The following TAFA1 variants were observed in gnomAD, a reference collection of about 807,000 sequenced individuals.
TAFA1 encodes chemokine-like protein TAFA-1.
Under a neutral mutation model 18.5 loss-of-function variants are expected in TAFA1, and 4 were observed. That is an observed-to-expected ratio of 0.22 (90% CI 0.11 to 0.49). The LOEUF is 0.49. TAFA1 is among the 20% of genes least tolerant of loss of function. TAFA1 has a pLI of 0.98. For synonymous variants in TAFA1, 56 were observed against 55.2 expected, an observed-to-expected ratio of 1.01 and a Z score of -0.06; for missense variants, 147 against 169.0, an observed-to-expected ratio of 0.87 and a Z score of 0.72.
intron 2 of TAFA1, among the ~76,000 whole-genome samples, chr3:68,260,661 A>C (rs1015574786): frequency 1.3e-5 from 2 of 152,124 alleles, no homozygotes; most frequent in Admixed American, 6.6e-5. Flanking sequence ...CAAAAACAAG[A>C]AATAGGGAAA....
intron 2 of TAFA1, among the ~76,000 whole-genome samples, chr3:68,299,679 C>A (rs1171905688): frequency 6.6e-6 from 1 of 152,186 alleles, no homozygotes; most frequent in South Asian, 2.1e-4. Context: ...CCATTACAGG[C>A]CTGGAGGCCT....
intron 3 of TAFA1, among the ~76,000 whole-genome samples, chr3:68,475,774 C>G (rs1473555577): frequency 1.0e-5 from 1 of 97,482 alleles, no homozygotes; most frequent in Non-Finnish European, 2.4e-5. Context: ...ACAGTCCCAC[C>G]AACAGTGTAA....
chr3:68,499,446 C>CTT (rs752597708), intron 3 of TAFA1, among the ~76,000 whole-genome samples: 4,296 of 112,080 alleles, frequency 0.038, 139 homozygotes, highest in African/African-American at 0.055. Context: ...GTGTTCCTTT[C>CTT]TTTTTTTTTT....
chr3:68,144,510 T>C (rs963612370), intron 2 of TAFA1, among the ~76,000 whole-genome samples: 8 of 152,232 alleles, frequency 5.3e-5, no homozygotes, highest in Admixed American at 2.0e-4. Context: ...CAAAACAAGA[T>C]GGTAGCTATT....
chr3:68,077,807 C>A (rs1027719150), intron 2 of TAFA1, among the ~76,000 whole-genome samples: 27 of 151,856 alleles, frequency 1.8e-4, no homozygotes, highest in Admixed American at 1.0e-3. Context: ...TTTTTGGTTC[C>A]ATATGAACTT....
chr3:68,531,616 T>A (rs1405442943), intron 3 of TAFA1, among the ~76,000 whole-genome samples: 2 of 152,144 alleles, frequency 1.3e-5, no homozygotes, highest in African/African-American at 4.8e-5. Flanking sequence ...TTAAACTCCA[T>A]CATTTTGCTT....
chr3:68,421,143 C>T (rs980628787), intron 3 of TAFA1, among the ~76,000 whole-genome samples: 3 of 152,030 alleles, frequency 2.0e-5, no homozygotes, highest in Non-Finnish European at 4.4e-5. Flanking sequence ...GGTATCTAGC[C>T]CTAAGATTTG....
At chr3:68,147,972 T>C in intron 2 of TAFA1, among the ~76,000 whole-genome samples, 1 of 152,180 alleles carries the variant, frequency 6.6e-6, no homozygotes, top group East Asian at 1.9e-4. Flanking sequence ...AATAAATCAA[T>C]TATTTGGTGC....
Position 68,329,454 on chromosome 3 carries a change from CTATT to C in TAFA1, c.119-87825_119-87822del, listed in dbSNP as rs546779732. On this transcript the variant is annotated intron_variant, in intron 2 of 4. Transcript: ENST00000478136. ...TCAAGGATAATCTGTGCCAGCATAT[CTATT>C]CAGTTCCAGTTCTGTCATGGGATAA... Among the ~76,000 whole-genome samples, 442 of 152,158 alleles carry C rather than the reference CTATT, an allele frequency of 2.9e-3. 3 individuals carry two copies. Among genetic ancestry groups the C allele is most frequent in the African/African-American group, 0.01 (418 of 41,494 alleles).
chr3:68,288,707 A>G (rs1445326383), intron 2 of TAFA1, among the ~76,000 whole-genome samples: 1 of 152,232 alleles, frequency 6.6e-6, no homozygotes, highest in Non-Finnish European at 1.5e-5. Flanking sequence ...CTTATGCAAA[A>G]CATAACAGTG....
chr3:68,369,505 T>C (rs2069637563), intron 2 of TAFA1, among the ~76,000 whole-genome samples: 1 of 152,184 alleles, frequency 6.6e-6, no homozygotes, highest in Non-Finnish European at 1.5e-5. Flanking sequence ...ATTTATGAGG[T>C]CCACATCTTA....
intron 2 of TAFA1, among the ~76,000 whole-genome samples, chr3:68,159,403 G>T (rs1430323347): frequency 6.6e-6 from 1 of 152,054 alleles, no homozygotes; most frequent in Non-Finnish European, 1.5e-5. Context: ...ACTTTGAGAG[G>T]CAAAACATGC....
chr3:68,186,602 T>C (rs2066275167), intron 2 of TAFA1, among the ~76,000 whole-genome samples: 1 of 152,054 alleles, frequency 6.6e-6, no homozygotes, highest in African/African-American at 2.4e-5. Context: ...GAGAAGAATG[T>C]TTATCCCATC....
At chr3:68,519,653 G>T (rs1389677022) in intron 3 of TAFA1, among the ~76,000 whole-genome samples, 1 of 152,184 alleles carries the variant, frequency 6.6e-6, no homozygotes, top group Non-Finnish European at 1.5e-5. Flanking sequence ...AGACCAAGTT[G>T]CCAGCATGGC....
At chr3:68,392,135 C>T (rs1292312654) in intron 2 of TAFA1, among the ~76,000 whole-genome samples, 3 of 117,880 alleles carry the variant, frequency 2.5e-5, no homozygotes, top group Admixed American at 1.0e-4. Flanking sequence ...CAAAGACACA[C>T]ATAGGCTCAA....
intron 2 of TAFA1, among the ~76,000 whole-genome samples, chr3:68,328,948 G>A (rs1383117327): frequency 6.6e-6 from 1 of 151,756 alleles, no homozygotes; most frequent in Non-Finnish European, 1.5e-5. Context: ...AAAACAAAAT[G>A]GCATCATGGT....
chr3:68,177,084 T>C (rs1337765287), intron 2 of TAFA1, among the ~76,000 whole-genome samples: 1 of 152,194 alleles, frequency 6.6e-6, no homozygotes, highest in Non-Finnish European at 1.5e-5. Flanking sequence ...TGGTGTCAAC[T>C]GTTTATATTC....
chr3:68,120,167 CTTTCTCTTTCTTTCTT>C (rs2065372612), intron 2 of TAFA1, among the ~76,000 whole-genome samples: 109 of 147,502 alleles, frequency 7.4e-4, no homozygotes, highest in African/African-American at 2.5e-3. Context: ...CTTTCTCTTT[CTTTCTCTTTCTTTCTT>C]TCTTTCTTTC....
At chr3:68,331,507 C>A (rs991199091) in intron 2 of TAFA1, among the ~76,000 whole-genome samples, 1 of 152,096 alleles carries the variant, frequency 6.6e-6, no homozygotes, top group African/African-American at 2.4e-5. Flanking sequence ...AGATAATAGA[C>A]TTTTTAAAAA....
Sources: allele counts gnomAD v4.1 joint callset (sites outside exome capture counted in the v4.1 genomes callset), GRCh38; gene constraint gnomAD v4.1.1; transcripts MANE v1.5; gene names NCBI Gene and HGNC (gene_info 2026-07-23, HGNC 2026-07-21).